Variants in LHPP observed in about 807,000 individuals in gnomAD.
LHPP encodes phospholysine phosphohistidine inorganic pyrophosphate phosphatase, also known as hLHPP.
Under a neutral mutation model 30.3 loss-of-function variants are expected in LHPP, and 24 were observed. The observed-to-expected ratio is 0.79, with a 90% CI of 0.57 to 1.11. The LOEUF is 1.11. LHPP is among the 50% of genes most tolerant of loss of function. LHPP has a pLI of 0.00. For synonymous variants in LHPP, 150 were observed against 157.1 expected (o/e 0.95, Z 0.34); for missense variants, 356 against 367.2 (o/e 0.97, Z 0.25).
chr10:124,540,008 G>A (rs1955141865), intron 6 of LHPP, among the ~76,000 whole-genome samples: 1 of 152,184 alleles, frequency 6.6e-6, no homozygotes, highest in African/African-American at 2.4e-5. Context: ...CACACAGCAA[G>A]GGTTCAGCAG....
At chr10:124,527,650 C>A (rs1954776371) in intron 6 of LHPP, among the ~76,000 whole-genome samples, 1 of 152,200 alleles carries the variant, frequency 6.6e-6, no homozygotes, top group Non-Finnish European at 1.5e-5. Context: ...AAAGCCCAGC[C>A]CCACCCTCCA....
At chr10:124,524,421 C>T (rs186131173) in intron 6 of LHPP, among the ~76,000 whole-genome samples, 4 of 151,982 alleles carry the variant, frequency 2.6e-5, no homozygotes, top group Admixed American at 2.6e-4. Flanking sequence ...GGATTATAGC[C>T]ACGCACCACC....
rs967061920 is a variant in LHPP at position 124,510,994 on chromosome 10, G to A, written c.625-6186G>A. On this transcript the variant is annotated intron_variant, in intron 5 of 6. Transcript: ENST00000368842. The surrounding 1 kb of genome is among the most constrained non-coding windows in gnomAD (Gnocchi z 4.0). ...AGACACTGGTGCTGGTCCCATTCCC[G>A]GGAGCACGCGGTGCCACTGGCTGTG... Among the ~76,000 whole-genome samples the A allele has an allele frequency of 1.3e-4, 20 of 152,314 alleles. No individual in the cohort carries two copies. The highest frequency in any genetic ancestry group is 9.8e-4 in the Admixed American group (15 of 15,298).
intron 1 of LHPP, among the ~76,000 whole-genome samples, chr10:124,463,535 G>C (rs1589744948): frequency 6.6e-6 from 1 of 151,266 alleles, no homozygotes; most frequent in South Asian, 2.1e-4. Flanking sequence ...GCTAATTTTT[G>C]TATTTTTGGT....
intron 6 of LHPP, chr10:124,546,135 G>A (rs1019177659): frequency 2.0e-5 from 3 of 152,352 alleles, no homozygotes; most frequent in Admixed American, 6.5e-5. Flanking sequence ...GGGTGGAAGG[G>A]GTGCGCCCCA....
At chr10:124,546,829 T>C (rs1171683524) in intron 6 of LHPP, among the ~76,000 whole-genome samples, 1 of 152,200 alleles carries the variant, frequency 6.6e-6, no homozygotes, top group African/African-American at 2.4e-5. Context: ...CAGGCGTACT[T>C]ACTTTGTTTT....
chr10:124,472,512 G>A (rs528154516), intron 1 of LHPP, among the ~76,000 whole-genome samples: 1 of 151,848 alleles, frequency 6.6e-6, no homozygotes, highest in African/African-American at 2.4e-5. Context: ...TGATATGAGT[G>A]CTGTATATAC....
intron 6 of LHPP, among the ~76,000 whole-genome samples, chr10:124,580,770 G>A (rs1230597855): frequency 2.0e-5 from 3 of 146,552 alleles, no homozygotes; most frequent in Non-Finnish European, 3.0e-5. Flanking sequence ...CCAGGCTAGA[G>A]TGCAATGGCA....
intron 1 of LHPP, among the ~76,000 whole-genome samples, chr10:124,480,636 G>A (rs867794443): frequency 6.6e-6 from 1 of 152,170 alleles, no homozygotes. Context: ...TATCCATAAT[G>A]TACAAGGTGA....
rs1466436408 is a variant in LHPP, at chr10:124,484,174, CCAA to C, written c.163_165del (p.Asn55del). 1.2e-6 allele frequency: 2 copies of C among 1,614,074 alleles called. No homozygotes were observed. Among genetic ancestry groups the C allele is most frequent in the East Asian group, 2.2e-5 (1 of 44,886 alleles). On this transcript the variant is annotated inframe_deletion, in exon 2 of 7. Coordinates refer to ENST00000368842, the MANE Select transcript of LHPP (RefSeq NM_022126.4). ...TCCCGGCTGAAGGTGAGGTTCTGCA[CCAA>C]CGAGTCGCAGAAGTCCCGGGCAGAG...
chr10:124,561,740 G>A (rs887523616), intron 6 of LHPP, among the ~76,000 whole-genome samples: 3 of 151,714 alleles, frequency 2.0e-5, no homozygotes, highest in Non-Finnish European at 2.9e-5. Flanking sequence ...CCTGAGTTGT[G>A]TCCAGAGAAG....
intron 1 of LHPP, among the ~76,000 whole-genome samples, chr10:124,463,834 TTTTTTGAGACAAGGTCTTAC>T (rs1460106359): frequency 1.2e-4 from 17 of 145,958 alleles, no homozygotes; most frequent in Non-Finnish European, 2.5e-4. Flanking sequence ...TTTTTTTTTT[TTTTTTGAGACAAGGTCTTAC>T]TTTGCCACCC....
At chr10:124,572,217 G>T (rs957041540) in intron 6 of LHPP, among the ~76,000 whole-genome samples, 10 of 152,220 alleles carry the variant, frequency 6.6e-5, no homozygotes, top group Admixed American at 5.2e-4. Flanking sequence ...GCCGCTGTTT[G>T]AGAGAAGGTC....
intron 6 of LHPP, chr10:124,526,026 G>A (rs1258084369): frequency 8.2e-6 from 2 of 242,430 alleles, no homozygotes; most frequent in Non-Finnish European, 1.3e-5. Flanking sequence ...ACCCCTGTAG[G>A]CAGCCTCCCA....
At chr10:124,471,843 A>C (rs1952789247) in intron 1 of LHPP, among the ~76,000 whole-genome samples, 1 of 148,044 alleles carries the variant, frequency 6.8e-6, no homozygotes, top group Non-Finnish European at 1.5e-5. Context: ...TATATTGCCC[A>C]GGCTGGTCTC....
intron 6 of LHPP, among the ~76,000 whole-genome samples, chr10:124,605,818 G>A (rs1009539212): frequency 5.8e-4 from 35 of 60,382 alleles, no homozygotes; most frequent in Non-Finnish European, 3.2e-5. Flanking sequence ...GAGGAGAGGG[G>A]GCCAGGCAGG....
At chr10:124,582,226 A>G (rs1948752551) in intron 6 of LHPP, among the ~76,000 whole-genome samples, 1 of 152,174 alleles carries the variant, frequency 6.6e-6, no homozygotes, top group African/African-American at 2.4e-5. Flanking sequence ...GACTACAGGT[A>G]TGCACCACCA....
At chr10:124,558,999 A>T (rs543796150) in intron 6 of LHPP, among the ~76,000 whole-genome samples, 14 of 152,216 alleles carry the variant, frequency 9.2e-5, no homozygotes, top group African/African-American at 3.4e-4. Flanking sequence ...GGCTTCCTGC[A>T]CCCGGGACAG....
intron 5 of LHPP, among the ~76,000 whole-genome samples, chr10:124,503,708 C>A (rs1434671153): frequency 6.6e-6 from 1 of 151,370 alleles, no homozygotes; most frequent in Non-Finnish European, 1.5e-5. Flanking sequence ...TGGTAGGTAG[C>A]CATGTTTATA....
Sources: gnomAD v4.1 joint callset for allele counts (sites outside exome capture counted in the v4.1 genomes callset) on GRCh38, gnomAD v4.1.1 for gene constraint, Gnocchi (gnomAD v3.1) non-coding constraint, MANE v1.5 for transcripts, NCBI Gene and HGNC (gene_info 2026-07-23, HGNC 2026-07-21) for gene names.